Variants in LIN7A observed in about 807,000 individuals in gnomAD.
The protein encoded by LIN7A is lin-7 cell polarity scaffold A.
LIN7A carries 25 observed loss-of-function variants against 29.8 expected under a neutral mutation model. The observed-to-expected ratio is 0.84, with a 90% CI of 0.61 to 1.17. The LOEUF (loss-of-function observed/expected upper bound fraction) is 1.17, where lower values mean the gene tolerates loss of function less well. Among genes scored for constraint, LIN7A ranks in the 50% most tolerant of loss-of-function variants. The pLI, the probability that LIN7A is intolerant of heterozygous loss-of-function variation, is 0.00. For missense variants in LIN7A, 239 were observed against 287.0 expected (o/e 0.83, Z 1.21); for synonymous variants, 118 against 107.5 (o/e 1.10, Z -0.60).
chr12:80,825,553 G>A (rs1380652272), intron 4 of LIN7A, among the ~76,000 whole-genome samples: 1 of 152,190 alleles, frequency 6.6e-6, no homozygotes, highest in Non-Finnish European at 1.5e-5. Context: ...TTACAGTGAT[G>A]GAAACAGGGC....
intron 2 of LIN7A, among the ~76,000 whole-genome samples, chr12:80,858,470 C>T (rs1873708333): frequency 6.6e-6 from 1 of 150,608 alleles, no homozygotes; most frequent in Non-Finnish European, 1.5e-5. Context: ...TGTTTCTACT[C>T]TACATGGCAG....
At chr12:80,909,006 T>C (rs1008560262) in intron 1 of LIN7A, among the ~76,000 whole-genome samples, 2 of 152,184 alleles carry the variant, frequency 1.3e-5, no homozygotes, top group African/African-American at 4.8e-5. Flanking sequence ...TCTATTATGA[T>C]ACGTGCTTTT....
At chr12:80,909,587 C>T (rs912363155) in intron 1 of LIN7A, among the ~76,000 whole-genome samples, 3 of 151,946 alleles carry the variant, frequency 2.0e-5, no homozygotes, top group Non-Finnish European at 2.9e-5. Flanking sequence ...TGTGTCCTCG[C>T]GTGGCAGAAG....
intron 4 of LIN7A, among the ~76,000 whole-genome samples, chr12:80,812,709 G>A (rs935407933): frequency 2.0e-5 from 3 of 151,682 alleles, no homozygotes; most frequent in Non-Finnish European, 4.4e-5. Flanking sequence ...GCAACACCAC[G>A]CCCGGCTAAT....
intron 4 of LIN7A, among the ~76,000 whole-genome samples, chr12:80,830,394 AT>A: frequency 6.6e-6 from 1 of 152,118 alleles, no homozygotes; most frequent in Middle Eastern, 3.4e-3. Context: ...ATGACATTGA[AT>A]TTGTGCCCTA....
chr12:80,922,934 C>T (rs1339988759), intron 1 of LIN7A, among the ~76,000 whole-genome samples: 3 of 152,076 alleles, frequency 2.0e-5, no homozygotes, highest in Non-Finnish European at 4.4e-5. Flanking sequence ...CTTCAGGCAG[C>T]CCCCGGGGGT....
intron 2 of LIN7A, among the ~76,000 whole-genome samples, chr12:80,888,337 C>T (rs1303755364): frequency 1.3e-5 from 2 of 152,078 alleles, no homozygotes; most frequent in African/African-American, 4.8e-5. Flanking sequence ...TCCTGCCTAG[C>T]GACTAAACTA....
intron 2 of LIN7A, among the ~76,000 whole-genome samples, chr12:80,855,531 T>C (rs370698961): frequency 7.6e-4 from 115 of 152,250 alleles, no homozygotes; most frequent in African/African-American, 2.6e-3. Flanking sequence ...CCACACTCTT[T>C]TACAATTATA....
At chr12:80,912,844 C>T (rs1339953827) in intron 1 of LIN7A, among the ~76,000 whole-genome samples, 1 of 152,038 alleles carries the variant, frequency 6.6e-6, no homozygotes, top group Non-Finnish European at 1.5e-5. Context: ...AAAAAGAAAT[C>T]CTGTATGTGA....
intron 2 of LIN7A, among the ~76,000 whole-genome samples, chr12:80,853,823 A>G (rs1873453360): frequency 6.6e-6 from 1 of 152,224 alleles, no homozygotes; most frequent in Non-Finnish European, 1.5e-5. Context: ...CAGCCTCCTG[A>G]GTAGCTTACA....
chr12:80,882,129 A>G (rs1410160881), intron 2 of LIN7A, among the ~76,000 whole-genome samples: 4 of 152,086 alleles, frequency 2.6e-5, no homozygotes, highest in Non-Finnish European at 4.4e-5. Flanking sequence ...TGAATGATCA[A>G]GAACTACATA....
chr12:80,806,555 A>G lies in LIN7A; in HGVS notation c.*4910T>C, dbSNP rs951496698. Among the ~76,000 whole-genome samples, 3 of 152,206 alleles carry G rather than the reference A, an allele frequency of 2.0e-5. 1 individual carries two copies. The highest frequency in any genetic ancestry group is 4.4e-5 in the Non-Finnish European group (3 of 68,030). On this transcript the variant is annotated intron_variant, in intron 5 of 5. Transcript: ENST00000552864. ...AAAAAAACATATTATTTCTAATTTC[A>G]GAGTAGAAATTGCATTTCATTTGAT... is the stretch of plus-strand genomic sequence containing the variant.
intron 4 of LIN7A, among the ~76,000 whole-genome samples, chr12:80,821,522 G>A (rs1338140126): frequency 6.6e-6 from 1 of 152,204 alleles, no homozygotes; most frequent in Non-Finnish European, 1.5e-5. Context: ...ACTGATCACA[G>A]TAGTGGTTGC....
At chr12:80,880,806 G>T (rs1455098773) in intron 2 of LIN7A, among the ~76,000 whole-genome samples, 1 of 149,538 alleles carries the variant, frequency 6.7e-6, no homozygotes, top group Non-Finnish European at 1.5e-5. Flanking sequence ...CACACACATC[G>T]ACATTCAGGT....
rs760389788 is a variant in LIN7A, at chr12:80,899,765, C to CTTTTTTTTTTTTTTTTTT, written c.83-10397_83-10396insAAAAAAAAAAAAAAAAAA. 9.1e-5 allele frequency among the ~76,000 whole-genome samples: 10 copies of CTTTTTTTTTTTTTTTTTT among 109,990 alleles called. 3 individuals are homozygous for CTTTTTTTTTTTTTTTTTT. The highest frequency in any genetic ancestry group is 7.8e-5 in the Non-Finnish European group (4 of 51,266). 72.2% of individuals were successfully genotyped at this position (109,990 alleles called of 152,430 possible). A position where few individuals can be genotyped will look rare whatever the true frequency, so the allele number is the denominator to read the frequency against. On this transcript the variant is annotated intron_variant, in intron 1 of 5. Transcript: ENST00000552864. The stretch of plus-strand genomic sequence containing the variant: ...CATTTCCTCTAGGTTTTCTTTTTTT[C>CTTTTTTTTTTTTTTTTTT]TTTTCTTTTTTTTTTTTTTTTGAGA...
At chr12:80,935,015 G>A (rs1390384515) in intron 1 of LIN7A, among the ~76,000 whole-genome samples, 6 of 152,082 alleles carry the variant, frequency 3.9e-5, no homozygotes, top group Admixed American at 1.3e-4. Context: ...CCTTTCCATG[G>A]TTAAAATACT....
At chr12:80,894,044 G>C (rs957795441) in intron 1 of LIN7A, among the ~76,000 whole-genome samples, 1 of 152,140 alleles carries the variant, frequency 6.6e-6, no homozygotes, top group Non-Finnish European at 1.5e-5. Flanking sequence ...ATTCCCTTAA[G>C]TTCTATAAGA....
At chr12:80,845,689 T>C (rs1342867034) in intron 4 of LIN7A, 41 bp downstream of exon 4, 3 of 1,513,666 alleles carry the variant, frequency 2.0e-6, no homozygotes, top group East Asian at 4.6e-5. Flanking sequence ...AAAAAAAGAA[T>C]GTGCTTAAGG....
chr12:80,834,680 A>G (rs947417441), intron 4 of LIN7A, among the ~76,000 whole-genome samples: 1 of 152,202 alleles, frequency 6.6e-6, no homozygotes, highest in African/African-American at 2.4e-5. Context: ...ATTTGAGTTA[A>G]AGTTTGGTTA....
Sources: allele counts gnomAD v4.1 joint callset (sites outside exome capture counted in the v4.1 genomes callset), GRCh38; gene constraint gnomAD v4.1.1; transcripts MANE v1.5; gene names NCBI Gene and HGNC (gene_info 2026-07-23, HGNC 2026-07-21).